DCC: variants seen among roughly 807,000 people sequenced by gnomAD.
The protein encoded by DCC is DCC netrin 1 receptor, also known as netrin receptor DCC.
Under a neutral mutation model 172.5 loss-of-function variants are expected in DCC, and 58 were observed. The observed-to-expected ratio is 0.34, with a 90% CI of 0.27 to 0.42. The LOEUF (loss-of-function observed/expected upper bound fraction) is 0.42. Among genes scored for constraint, DCC ranks in the 10% least tolerant of loss-of-function variants. The probability of loss-of-function intolerance (pLI) is 1.00; values close to 1 mark genes in which losing one functional copy is unlikely to be tolerated. For missense variants in DCC, 1,740 were observed against 1,791.0 expected (o/e 0.97, Z 0.51); for synonymous variants, 709 against 644.5 (o/e 1.10, Z -1.52).
At chr18:52,445,393 C>CTTAT (rs927687976) in intron 1 of DCC, among the ~76,000 whole-genome samples, 35 of 151,634 alleles carry the variant, frequency 2.3e-4, no homozygotes, top group African/African-American at 8.2e-4. Context: ...TGCAGCTGCA[C>CTTAT]TTATTTACCT....
rs12971200 is a variant in DCC, at chr18:53,203,232, T to C, written c.1574-1984T>C. On this transcript the variant is annotated intron_variant, in intron 9 of 28. Coordinates refer to ENST00000442544, the MANE Select transcript of DCC (RefSeq NM_005215.4). ...GTGTGTGTGTGTGTGTGTGTGTGTGTGTGCGTGTGTGTGTGTATGTAATTA... is the reference window on the plus strand; with the variant it reads ...GTGTGTGTGTGTGTGTGTGTGTGTGCGTGCGTGTGTGTGTGTATGTAATTA... Among the ~76,000 whole-genome samples the C allele has an allele frequency of 6.3e-3, 939 of 148,652 alleles. 12 individuals are homozygous for C. The highest frequency in any genetic ancestry group is 0.021 in the African/African-American group (861 of 40,532).
chr18:52,677,395 A>G (rs1331236166), intron 1 of DCC, among the ~76,000 whole-genome samples: 1 of 152,048 alleles, frequency 6.6e-6, no homozygotes, highest in Non-Finnish European at 1.5e-5. Flanking sequence ...ACTTGAAAAA[A>G]TTTTCAGGGA....
chr18:53,518,176 G>A (rs2046360360), intron 27 of DCC, among the ~76,000 whole-genome samples: 2 of 152,036 alleles, frequency 1.3e-5, no homozygotes, highest in South Asian at 2.1e-4. Flanking sequence ...CATTTTGTCT[G>A]GCATCACAGA....
chr18:52,478,746 C>T (rs963206905), intron 1 of DCC, among the ~76,000 whole-genome samples: 1 of 152,064 alleles, frequency 6.6e-6, no homozygotes, highest in East Asian at 1.9e-4. Context: ...TTTAAATGAC[C>T]AGATGTCAAG....
chr18:53,467,967 G>A lies in DCC; in HGVS notation c.3693G>A (p.Arg1231=). Reference sequence around the variant, plus strand: ...CGCTGGCTGCACGCCGAGCCCCCCGGGCCAAGCTCATGATTCCCATGGATG... The same window carrying A: ...CGCTGGCTGCACGCCGAGCCCCCCGAGCCAAGCTCATGATTCCCATGGATG... ...ERSLAARRAP[R]AKLMIPMDAQ... Residue 1231 remains arginine (R), a synonymous_variant, in exon 25 of 29, where the codon CGG becomes CGA. Coordinates refer to ENST00000442544, the MANE Select transcript of DCC (RefSeq NM_005215.4). 2.5e-6 allele frequency: 4 copies of A among 1,612,198 alleles called. No individual in the cohort carries two copies. The highest frequency in any genetic ancestry group is 2.2e-5 in the East Asian group (1 of 44,864).
At chr18:52,718,410 G>A (rs1568061473) in intron 1 of DCC, among the ~76,000 whole-genome samples, 1 of 152,156 alleles carries the variant, frequency 6.6e-6, no homozygotes, top group Admixed American at 6.5e-5. Context: ...GACAGGGCAA[G>A]GTTTTGTCTG....
intron 1 of DCC, among the ~76,000 whole-genome samples, chr18:52,355,038 GA>G (rs1483101660): frequency 4.6e-5 from 7 of 152,272 alleles, no homozygotes; most frequent in African/African-American, 1.7e-4. Context: ...TCGCATATAT[GA>G]AAATGGAACA....
At chr18:53,481,683 G>A (rs2045833636) in intron 25 of DCC, among the ~76,000 whole-genome samples, 1 of 152,088 alleles carries the variant, frequency 6.6e-6, no homozygotes, top group Non-Finnish European at 1.5e-5. Flanking sequence ...ATTCTGTCAA[G>A]TACCATGTTG....
rs542119158 is a variant in DCC, at chr18:52,666,359, T to A, written c.92-85695T>A. ...AACAATAGATTTTTCTTTTCCAATA[T>A]GTGAATATAAAACCTACTATGTACT... On this transcript the variant is annotated intron_variant, in intron 1 of 28. Coordinates refer to ENST00000442544, the MANE Select transcript of DCC (RefSeq NM_005215.4). 3.9e-5 allele frequency among the ~76,000 whole-genome samples: 6 copies of A among 152,242 alleles called. No homozygotes were observed. In the South Asian group the frequency reaches 1.2e-3, roughly 32 times the overall value.
At chr18:53,270,363 TG>T (rs2056734917) in intron 12 of DCC, among the ~76,000 whole-genome samples, 1 of 152,132 alleles carries the variant, frequency 6.6e-6, no homozygotes, top group Non-Finnish European at 1.5e-5. Context: ...TGTTATTCTT[TG>T]TTTTTGGGGG....
At chr18:52,750,354 T>C (rs1248025700) in intron 1 of DCC, among the ~76,000 whole-genome samples, 1 of 152,206 alleles carries the variant, frequency 6.6e-6, no homozygotes, top group East Asian at 1.9e-4. Context: ...TGTACTATAA[T>C]TGGGTTGACT....
At chr18:52,865,048 G>T (rs2039200585) in intron 2 of DCC, among the ~76,000 whole-genome samples, 1 of 151,914 alleles carries the variant, frequency 6.6e-6, no homozygotes, top group Non-Finnish European at 1.5e-5. Context: ...TGTATTTTTA[G>T]TATAGATGGG....
chr18:52,714,955 C>A (rs1227153584), intron 1 of DCC, among the ~76,000 whole-genome samples: 2 of 152,112 alleles, frequency 1.3e-5, no homozygotes, highest in African/African-American at 4.8e-5. Flanking sequence ...TGTATCTTAT[C>A]CACATTGAAT....
At chr18:53,040,842 C>A (rs1599057410) in intron 5 of DCC, among the ~76,000 whole-genome samples, 1 of 151,808 alleles carries the variant, frequency 6.6e-6, no homozygotes, top group East Asian at 1.9e-4. Context: ...AATGTGGAAC[C>A]ACTGAGACAG....
chr18:53,105,491 T>A (rs1379739453), intron 7 of DCC, among the ~76,000 whole-genome samples: 1 of 152,048 alleles, frequency 6.6e-6, no homozygotes, highest in Non-Finnish European at 1.5e-5. Context: ...GGAAATGATG[T>A]GTATTTTTAT....
intron 3 of DCC, among the ~76,000 whole-genome samples, chr18:52,920,644 C>G (rs962877347): frequency 6.6e-6 from 1 of 152,116 alleles, no homozygotes; most frequent in African/African-American, 2.4e-5. Flanking sequence ...CAAAGCTAAA[C>G]AGTTTTACCA....
intron 12 of DCC, among the ~76,000 whole-genome samples, chr18:53,238,960 C>T (rs1023433401): frequency 6.7e-6 from 1 of 149,616 alleles, no homozygotes; most frequent in Non-Finnish European, 1.5e-5. Context: ...AACCAAACAT[C>T]GCATGTTCTC....
chr18:52,687,565 C>A (rs375114777), intron 1 of DCC, among the ~76,000 whole-genome samples: 1 of 152,072 alleles, frequency 6.6e-6, no homozygotes, highest in South Asian at 2.1e-4. Context: ...CAAAGTGTAG[C>A]TAACTATTTT....
intron 1 of DCC, among the ~76,000 whole-genome samples, chr18:52,541,881 ATATATATATATATATGTG>A (rs1191632667): frequency 7.5e-6 from 1 of 133,084 alleles, no homozygotes; most frequent in African/African-American, 2.7e-5. Flanking sequence ...GTGTGTATAT[ATATATATATATATATGTG>A]TATATATATA....
Sources: allele counts gnomAD v4.1 joint callset (sites outside exome capture counted in the v4.1 genomes callset), GRCh38; gene constraint gnomAD v4.1.1; transcripts MANE v1.5; gene names NCBI Gene and HGNC (gene_info 2026-07-23, HGNC 2026-07-21).